Variants in C16orf74 observed in about 807,000 individuals in gnomAD.
C16orf74 encodes calcimembrin.
C16orf74 carries 10 observed loss-of-function variants against 6.5 expected under a neutral mutation model. The ratio of observed to expected loss-of-function variants is 1.54; its 90% CI spans 0.95 to 2.61. The LOEUF (loss-of-function observed/expected upper bound fraction) is 2.61. Ranked by LOEUF, C16orf74 falls within the 30% of genes most tolerant of loss-of-function variation. The pLI is 0.00. For missense variants in C16orf74, 141 were observed against 105.9 expected, an observed-to-expected ratio of 1.33 and a Z score of -1.45; for synonymous variants, 60 against 42.5, an observed-to-expected ratio of 1.41 and a Z score of -1.60.
At chr16:85,748,673 G>C (rs2054401167) in intron 1 of C16orf74, among the ~76,000 whole-genome samples, 1 of 152,142 alleles carries the variant, frequency 6.6e-6, no homozygotes, top group South Asian at 2.1e-4. Context: ...TCTGGGTTAC[G>C]ATAAGGAGTT....
intron 2 of C16orf74, among the ~76,000 whole-genome samples, chr16:85,716,737 G>C (rs1215219906): frequency 6.6e-6 from 1 of 151,746 alleles, no homozygotes; most frequent in Non-Finnish European, 1.5e-5. Flanking sequence ...AGGGAGGAGA[G>C]AGACACCCCA....
intron 2 of C16orf74, among the ~76,000 whole-genome samples, chr16:85,733,792 G>C (rs1223712816): frequency 1.3e-5 from 2 of 152,140 alleles, no homozygotes; most frequent in Non-Finnish European, 2.9e-5. Context: ...TCCTGGAGAG[G>C]ACGTGGGCTG....
At chr16:85,746,997 G>A (rs1360079408) in intron 1 of C16orf74, among the ~76,000 whole-genome samples, 2 of 152,124 alleles carry the variant, frequency 1.3e-5, no homozygotes, top group Non-Finnish European at 2.9e-5. Context: ...TGAGTGGCCA[G>A]GACCTCCACC....
intron 2 of C16orf74, among the ~76,000 whole-genome samples, chr16:85,727,999 C>T (rs1300282167): frequency 4.1e-5 from 6 of 145,034 alleles, no homozygotes; most frequent in Non-Finnish European, 7.5e-5. Context: ...ATTAGCTGGG[C>T]GTGGTGTTGT....
At chr16:85,716,150 G>C (rs1304777150) in intron 2 of C16orf74, among the ~76,000 whole-genome samples, 5 of 152,080 alleles carry the variant, frequency 3.3e-5, no homozygotes. Flanking sequence ...GCATTTTAAC[G>C]TGGTCTGGAG....
intron 1 of C16orf74, among the ~76,000 whole-genome samples, chr16:85,736,022 G>A (rs535782910): frequency 1.3e-5 from 2 of 152,118 alleles, no homozygotes; most frequent in South Asian, 2.1e-4. Flanking sequence ...GCTGAGACTC[G>A]AACCCAGGAC....
intron 1 of C16orf74, among the ~76,000 whole-genome samples, chr16:85,749,835 G>C (rs78142905): frequency 0.032 from 4,941 of 152,350 alleles, 265 homozygotes; most frequent in African/African-American, 0.11. Flanking sequence ...GGCGCTTCCA[G>C]GGAGACGAGA....
At chr16:85,718,553 C>T (rs1222083755) in intron 2 of C16orf74, among the ~76,000 whole-genome samples, 4 of 152,214 alleles carry the variant, frequency 2.6e-5, no homozygotes, top group Non-Finnish European at 5.9e-5. Context: ...GTGGCTCCCC[C>T]TCTTTGGGCC....
rs2054009819 is a variant in C16orf74, at chr16:85,715,083, G to C, written c.29-4776C>G. On this transcript the variant is annotated intron_variant, in intron 2 of 3. Coordinates refer to ENST00000284245, the MANE Select transcript of C16orf74 (RefSeq NM_206967.3). ...GAGGCAGGAGAATGGCGTGAACCCG[G>C]GAGGCGGAGCTTGCAGTGAGCCGAG... is the stretch of plus-strand genomic sequence containing the variant. Among the ~76,000 whole-genome samples the C allele has an allele frequency of 2.0e-5, 3 of 151,704 alleles. No individual in the cohort carries two copies. The South Asian group carries it at 6.3e-4, about 32-fold the overall frequency.
intron 2 of C16orf74, among the ~76,000 whole-genome samples, chr16:85,719,153 C>T (rs2054054039): frequency 6.6e-6 from 1 of 152,226 alleles, no homozygotes; most frequent in Non-Finnish European, 1.5e-5. Context: ...GGTGTAACAC[C>T]CCAGCTCTGA....
chr16:85,740,783 G>C (rs1440522062), intron 1 of C16orf74, among the ~76,000 whole-genome samples: 1 of 137,266 alleles, frequency 7.3e-6, no homozygotes, highest in African/African-American at 2.8e-5. Context: ...AGTGAGCTGA[G>C]ATTGTGCCAC....
intron 2 of C16orf74, among the ~76,000 whole-genome samples, chr16:85,734,190 G>C (rs2054219963): frequency 6.6e-6 from 1 of 152,198 alleles, no homozygotes; most frequent in South Asian, 2.1e-4. Context: ...TGGTGAATTT[G>C]ACGAAGGAAA....
chr16:85,730,402 C>T (rs1598796917), intron 2 of C16orf74, among the ~76,000 whole-genome samples: 1 of 152,052 alleles, frequency 6.6e-6, no homozygotes, highest in Admixed American at 6.5e-5. Flanking sequence ...TGCCAAGGTG[C>T]CTCCCGGCTC....
chr16:85,722,309 T>C lies in C16orf74; in HGVS notation c.29-12002A>G, dbSNP rs956705387. Among the ~76,000 whole-genome samples the C allele has an allele frequency of 2.0e-5, 3 of 152,308 alleles. No individual in the cohort carries two copies. The South Asian group carries it at 6.2e-4, about 32-fold the overall frequency. On this transcript the variant is annotated intron_variant, in intron 2 of 3. Coordinates refer to ENST00000284245, the MANE Select transcript of C16orf74 (RefSeq NM_206967.3). ...ATTATTACTGCTTTGGAAGGAGTAGTATAAGCAGGCCGATTCCAGTTAGTA... is the reference window on the plus strand; with the variant it reads ...ATTATTACTGCTTTGGAAGGAGTAGCATAAGCAGGCCGATTCCAGTTAGTA...
chr16:85,717,062 C>T (rs2054032528), intron 2 of C16orf74, among the ~76,000 whole-genome samples: 1 of 152,226 alleles, frequency 6.6e-6, no homozygotes, highest in Admixed American at 6.5e-5. Context: ...TCCGGGGAGG[C>T]TTCGTGCTCC....
At chr16:85,738,164 G>C (rs1443588478) in intron 1 of C16orf74, among the ~76,000 whole-genome samples, 1 of 151,740 alleles carries the variant, frequency 6.6e-6, no homozygotes, top group Non-Finnish European at 1.5e-5. Context: ...AGGATCACTT[G>C]AGCCCAGGAG....
intron 2 of C16orf74, among the ~76,000 whole-genome samples, chr16:85,726,740 C>T (rs1470180425): frequency 6.6e-6 from 1 of 152,200 alleles, no homozygotes; most frequent in Non-Finnish European, 1.5e-5. Flanking sequence ...TCCCATTTCA[C>T]AGAGCTCCTG....
chr16:85,713,352 A>G (rs2053988535), intron 2 of C16orf74, among the ~76,000 whole-genome samples: 1 of 151,844 alleles, frequency 6.6e-6, no homozygotes, highest in South Asian at 2.1e-4. Flanking sequence ...GCTCACTGCA[A>G]CCTCTGCCTC....
intron 1 of C16orf74, among the ~76,000 whole-genome samples, chr16:85,747,873 G>C (rs373458906): frequency 6.6e-6 from 1 of 151,952 alleles, no homozygotes; most frequent in African/African-American, 2.4e-5. Context: ...GGATCACAAG[G>C]TCAGCAGTTC....
Sources: allele counts gnomAD v4.1 joint callset (sites outside exome capture counted in the v4.1 genomes callset), GRCh38; gene constraint gnomAD v4.1.1; transcripts MANE v1.5; gene names NCBI Gene and HGNC (gene_info 2026-07-23, HGNC 2026-07-21).